Variants in GRM7 observed in about 807,000 individuals in gnomAD.
GRM7 encodes metabotropic glutamate receptor 7.
In GRM7, 35 loss-of-function variants were observed where a neutral mutation model predicts 84.5. That is an observed-to-expected ratio of 0.41 (90% CI 0.32 to 0.55). The LOEUF is 0.55. GRM7 is among the 20% of genes least tolerant of loss of function. The pLI, the probability that GRM7 is intolerant of heterozygous loss-of-function variation, is 0.19. For missense variants in GRM7, 1,003 were observed against 1,194.6 expected (o/e 0.84, Z 2.36); for synonymous variants, 487 against 455.1 (o/e 1.07, Z -0.89).
In GRM7 at chr3:6,869,581, G is replaced by GTCTATCTATCTA. The variant is rs140514964; in HGVS notation, c.519+7684_519+7695dup. On this transcript the variant is annotated intron_variant, in intron 1 of 9. Transcript: ENST00000357716. ...ATGTATAATTTACATCTATCTATCT[G>GTCTATCTATCTA]TCTATCTATCTATCTATCTATGGAG... 2.2e-3 allele frequency among the ~76,000 whole-genome samples: 330 copies of GTCTATCTATCTA among 150,774 alleles called. 2 individuals carry two copies. The highest frequency in any genetic ancestry group is 3.8e-3 in the Non-Finnish European group (259 of 67,742).
chr3:7,473,397 GC>G (rs925952585), intron 7 of GRM7, among the ~76,000 whole-genome samples: 9 of 151,944 alleles, frequency 5.9e-5, no homozygotes, highest in African/African-American at 2.2e-4. Flanking sequence ...GATCCTTTGA[GC>G]CCAGGAGTTC....
At chr3:6,997,674 C>A (rs1368301738) in intron 1 of GRM7, among the ~76,000 whole-genome samples, 1 of 152,158 alleles carries the variant, frequency 6.6e-6, no homozygotes, top group Non-Finnish European at 1.5e-5. Context: ...TAATTCTGCT[C>A]CTGGCACCTC....
intron 1 of GRM7, among the ~76,000 whole-genome samples, chr3:7,095,278 A>C (rs1384248436): frequency 1.3e-5 from 2 of 152,136 alleles, no homozygotes; most frequent in Non-Finnish European, 2.9e-5. Flanking sequence ...CTCCAGTTCC[A>C]CTCTTTTGCT....
chr3:7,029,614 A>G (rs1696116818), intron 1 of GRM7, among the ~76,000 whole-genome samples: 1 of 152,210 alleles, frequency 6.6e-6, no homozygotes. Flanking sequence ...AAAAGGACAA[A>G]TATTGTATGA....
At chr3:7,214,486 A>G (rs940605910) in intron 2 of GRM7, among the ~76,000 whole-genome samples, 5 of 152,236 alleles carry the variant, frequency 3.3e-5, no homozygotes, top group Non-Finnish European at 7.3e-5. Flanking sequence ...ATTTCTGGAT[A>G]ACGGAGCTAT....
intron 5 of GRM7, 46 bp downstream of exon 5, chr3:7,415,209 G>A (rs764509989): frequency 6.6e-7 from 1 of 1,521,692 alleles, no homozygotes; most frequent in African/African-American, 1.4e-5. Context: ...TACGTGGCTA[G>A]CACTGACATG....
chr3:7,378,026 C>G (rs1013491551), intron 4 of GRM7, among the ~76,000 whole-genome samples: 15 of 152,142 alleles, frequency 9.9e-5, no homozygotes, highest in African/African-American at 3.4e-4. Context: ...GGAAGTCTCC[C>G]TGACCCCATC....
chr3:7,563,654 C>A (rs1209314070), intron 7 of GRM7, among the ~76,000 whole-genome samples: 2 of 152,136 alleles, frequency 1.3e-5, no homozygotes, highest in African/African-American at 4.8e-5. Flanking sequence ...AAGGGAAGCC[C>A]AATCACTGCC....
chr3:6,948,203 T>G (rs920574962), intron 1 of GRM7, among the ~76,000 whole-genome samples: 1 of 152,100 alleles, frequency 6.6e-6, no homozygotes, highest in South Asian at 2.1e-4. Flanking sequence ...GTGCTGTAAA[T>G]TTCCCTCTAC....
chr3:7,128,034 G>T (rs1309040221), intron 1 of GRM7, among the ~76,000 whole-genome samples: 1 of 151,508 alleles, frequency 6.6e-6, no homozygotes, highest in Non-Finnish European at 1.5e-5. Context: ...GGTAAAAGAT[G>T]GCCAGTAAAA....
chr3:7,222,475 A>G (rs2124878241), intron 2 of GRM7, among the ~76,000 whole-genome samples: 1 of 152,264 alleles, frequency 6.6e-6, no homozygotes, highest in Admixed American at 6.5e-5. Context: ...ATGGAGCCTC[A>G]GTCCCACAAC....
chr3:7,666,675 A>G (rs907463316), intron 8 of GRM7, among the ~76,000 whole-genome samples: 2 of 152,240 alleles, frequency 1.3e-5, no homozygotes, highest in African/African-American at 4.8e-5. Context: ...CTGGTTAAAC[A>G]TATCTGAGAC....
intron 1 of GRM7, among the ~76,000 whole-genome samples, chr3:7,140,237 A>T (rs768089054): frequency 1.3e-5 from 2 of 152,010 alleles, no homozygotes; most frequent in Non-Finnish European, 2.9e-5. Context: ...CATGAGAGAG[A>T]GTGAGAAGTT....
intron 7 of GRM7, among the ~76,000 whole-genome samples, chr3:7,554,155 A>G (rs1422969643): frequency 6.6e-6 from 1 of 152,226 alleles, no homozygotes; most frequent in East Asian, 1.9e-4. Context: ...ATTCCATAGA[A>G]ATACCTATCA....
chr3:7,197,765 G>C (rs1695927019), intron 2 of GRM7, among the ~76,000 whole-genome samples: 2 of 151,582 alleles, frequency 1.3e-5, no homozygotes, highest in Admixed American at 1.3e-4. Context: ...ATATCTTATA[G>C]GCCAGTTAGT....
At chr3:7,476,993 A>G (rs569430876) in intron 7 of GRM7, among the ~76,000 whole-genome samples, 105 of 152,326 alleles carry the variant, frequency 6.9e-4, no homozygotes, top group African/African-American at 2.5e-3. Context: ...TGCTAGGTCA[A>G]CATTATTTTT....
At chr3:6,890,390 C>T (rs554366563) in intron 1 of GRM7, among the ~76,000 whole-genome samples, 128 of 152,244 alleles carry the variant, frequency 8.4e-4, no homozygotes, top group African/African-American at 3.0e-3. Context: ...TTTCTCTCTA[C>T]ACACTGCTTT....
chr3:7,434,005 C>T (rs550437754), intron 5 of GRM7, among the ~76,000 whole-genome samples: 74 of 70,978 alleles, frequency 1.0e-3, no homozygotes, highest in African/African-American at 4.3e-3. Context: ...TTTGATTTCT[C>T]TCTTGTTTTC....
chr3:6,875,694 T>G (rs2124951035), intron 1 of GRM7, among the ~76,000 whole-genome samples: 1 of 152,348 alleles, frequency 6.6e-6, no homozygotes, highest in South Asian at 2.1e-4. Flanking sequence ...TAACTTAGCT[T>G]ATTGATTATG....
Sources: gnomAD v4.1 joint callset for allele counts (sites outside exome capture counted in the v4.1 genomes callset) on GRCh38, gnomAD v4.1.1 for gene constraint, MANE v1.5 for transcripts, NCBI Gene and HGNC (gene_info 2026-07-23, HGNC 2026-07-21) for gene names.